Variants in MRAP2 observed in about 807,000 individuals in gnomAD.
The protein encoded by MRAP2 is melanocortin-2 receptor accessory protein 2.
In MRAP2, 20 loss-of-function variants were observed where a neutral mutation model predicts 17.4. The observed-to-expected ratio is 1.15, with a 90% CI of 0.81 to 1.67. MRAP2 has a LOEUF of 1.67. Ranked by LOEUF, MRAP2 falls within the 40% of genes most tolerant of loss-of-function variation. The probability of loss-of-function intolerance (pLI) is 0.00; values close to 1 mark genes in which losing one functional copy is unlikely to be tolerated. For synonymous variants in MRAP2, 96 were observed against 88.4 expected (o/e 1.09, Z -0.48); for missense variants, 238 against 240.0 (o/e 0.99, Z 0.05).
At chr6:84,061,889 GTTCTGTT>G in intron 2 of MRAP2, 1 of 985,442 alleles carries the variant, frequency 1.0e-6, no homozygotes, top group Non-Finnish European at 1.2e-6. Context: ...AAGTGGGTCA[GTTCTGTT>G]TTTGTTGGAG....
chr6:84,079,183 A>G (rs1249578524), intron 3 of MRAP2, among the ~76,000 whole-genome samples: 1 of 152,218 alleles, frequency 6.6e-6, no homozygotes, highest in African/African-American at 2.4e-5. Flanking sequence ...AGAATGAATA[A>G]ATAGATTGTA....
chr6:84,128,780 T>C, the MRAP2 span, among the ~76,000 whole-genome samples: 4 of 152,072 alleles, frequency 2.6e-5, no homozygotes, highest in Admixed American at 2.6e-4. Flanking sequence ...GCCATGATGG[T>C]TTGCTGCACC....
chr6:84,091,704 C>T (rs1335341805), downstream of MRAP2, among the ~76,000 whole-genome samples: 1 of 152,158 alleles, frequency 6.6e-6, no homozygotes, highest in African/African-American at 2.4e-5. Context: ...ATGACTATAT[C>T]ATCATTTTTA....
chr6:84,129,516 CA>C, the MRAP2 span, among the ~76,000 whole-genome samples: 1 of 152,100 alleles, frequency 6.6e-6, no homozygotes, highest in African/African-American at 2.4e-5. Flanking sequence ...ATCCTTTGCC[CA>C]CTTTTTGATG....
At chr6:84,078,309 A>G (rs902050405) in intron 3 of MRAP2, among the ~76,000 whole-genome samples, 2 of 152,248 alleles carry the variant, frequency 1.3e-5, no homozygotes, top group African/African-American at 4.8e-5. Flanking sequence ...CAAATAACTC[A>G]GTTTTTAAAT....
chr6:84,100,997 T>C, the MRAP2 span, among the ~76,000 whole-genome samples: 2 of 152,248 alleles, frequency 1.3e-5, no homozygotes, highest in African/African-American at 4.8e-5. Context: ...TTATTATTTC[T>C]ATTGACACTA....
intron 2 of MRAP2, among the ~76,000 whole-genome samples, chr6:84,060,690 C>CTT (rs36021546): frequency 1.1e-3 from 159 of 143,558 alleles, no homozygotes; most frequent in Middle Eastern, 7.4e-3. Context: ...GTCCTTACAT[C>CTT]TTTTTTTTTT....
At chr6:84,139,749 A>G in the MRAP2 span, among the ~76,000 whole-genome samples, 1 of 152,176 alleles carries the variant, frequency 6.6e-6, no homozygotes, top group South Asian at 2.1e-4. Context: ...AAAATTTGTA[A>G]AATTCTTTGA....
At chr6:84,055,020 C>T (rs1252826200) in intron 1 of MRAP2, among the ~76,000 whole-genome samples, 1 of 152,116 alleles carries the variant, frequency 6.6e-6, no homozygotes, top group African/African-American at 2.4e-5. Context: ...TCCTTCTTTC[C>T]TTCATCAGTT....
chr6:84,096,750 C>G, the MRAP2 span, among the ~76,000 whole-genome samples: 1 of 152,112 alleles, frequency 6.6e-6, no homozygotes, highest in African/African-American at 2.4e-5. Flanking sequence ...ACAAATTGCA[C>G]TACAGAATCA....
chr6:84,053,101 A>T (rs533066813), intron 1 of MRAP2, among the ~76,000 whole-genome samples: 1 of 152,250 alleles, frequency 6.6e-6, no homozygotes, highest in African/African-American at 2.4e-5. Flanking sequence ...GGGGGTCCCC[A>T]CCGTGTGCTG....
At chr6:84,114,829 G>A in the MRAP2 span, among the ~76,000 whole-genome samples, 2 of 152,086 alleles carry the variant, frequency 1.3e-5, no homozygotes, top group African/African-American at 2.4e-5. Flanking sequence ...TAACAGTCAG[G>A]CCCACTGCTG....
the MRAP2 span, among the ~76,000 whole-genome samples, chr6:84,101,078 G>T: frequency 6.6e-6 from 1 of 152,042 alleles, no homozygotes; most frequent in Non-Finnish European, 1.5e-5. Flanking sequence ...ACTTATGATG[G>T]TAACATGCAG....
At chr6:84,142,324 T>C in the MRAP2 span, among the ~76,000 whole-genome samples, 4 of 152,254 alleles carry the variant, frequency 2.6e-5, no homozygotes, top group Non-Finnish European at 5.9e-5. Flanking sequence ...TTTTATATTA[T>C]TGTGCCTGTC....
At chr6:84,064,795 G>T (rs1313514993) in intron 3 of MRAP2, among the ~76,000 whole-genome samples, 1 of 152,140 alleles carries the variant, frequency 6.6e-6, no homozygotes, top group African/African-American at 2.4e-5. Flanking sequence ...CCGAATCCTG[G>T]CATTTTTATA....
intron 3 of MRAP2, among the ~76,000 whole-genome samples, chr6:84,067,038 CT>C (rs2099494920): frequency 6.6e-6 from 1 of 151,976 alleles, no homozygotes; most frequent in African/African-American, 2.4e-5. Context: ...TCACCCCCTC[CT>C]TCTCGTCACC....
Position 84,033,896 on chromosome 6 carries a change from G to A in MRAP2, c.-8+13G>A. 3 of 986,040 alleles carry A rather than the reference G, an allele frequency of 3.0e-6. No individual in the cohort carries two copies. Among genetic ancestry groups the A allele is most frequent in the Non-Finnish European group, 3.6e-6 (3 of 830,144 alleles). 61.1% of individuals were successfully genotyped at this position (986,040 alleles called of 1,614,324 possible). ...GGCTAGCCAGCCGGTAACCACGGGC[G>A]GGACAGGGCGCCCAGGGCGGAGCAA... On this transcript the variant is annotated intron_variant, in intron 1 of 3. Transcript: ENST00000257776.
rs1178033353 is a variant in MRAP2, at chr6:84,033,916, G to A, written c.-8+33G>A. On this transcript the variant is annotated intron_variant, in intron 1 of 3. Transcript: ENST00000257776. ...CGGGCGGGACAGGGCGCCCAGGGCG[G>A]AGCAAAGCCCGGGCGCTGGGTGCGG... The A allele has an allele frequency of 4.1e-6, 4 of 986,038 alleles. No individual in the cohort carries two copies. The African/African-American group carries it at 7.0e-5, about 17-fold the overall frequency. 61.1% of individuals were successfully genotyped at this position (986,038 alleles called of 1,614,324 possible). A position where few individuals can be genotyped will look rare whatever the true frequency, so the allele number is the denominator to read the frequency against.
At position 84,055,233 on chromosome 6, in the gene MRAP2, C is replaced by G. The variant is rs938088014; in HGVS notation, c.-7-79C>G. 3.1e-5 allele frequency: 47 copies of G among 1,503,562 alleles called. No homozygotes were observed. In the South Asian group the frequency reaches 6.3e-4, roughly 20 times the overall value. 93.1% of individuals were successfully genotyped at this position (1,503,562 alleles called of 1,614,324 possible). On this transcript the variant is annotated intron_variant, in intron 1 of 3. Transcript: ENST00000257776. ...GGGTTTGCTGCCAAACTCCTGAATG[C>G]GATCAAGAGTAATTAAGGTAACTGT...
Sources: allele counts gnomAD v4.1 joint callset (sites outside exome capture counted in the v4.1 genomes callset), GRCh38; gene constraint gnomAD v4.1.1; transcripts MANE v1.5; gene names NCBI Gene and HGNC (gene_info 2026-07-23, HGNC 2026-07-21).